The following ASTN2 variants were observed in gnomAD, a reference collection of about 807,000 sequenced individuals.
ASTN2 encodes the protein astrotactin-2.
Under a neutral mutation model 139.8 loss-of-function variants are expected in ASTN2, and 54 were observed. That is an observed-to-expected ratio of 0.39 (90% CI 0.31 to 0.48). The LOEUF (loss-of-function observed/expected upper bound fraction) is 0.48, where lower values mean the gene tolerates loss of function less well. ASTN2 is among the 20% of genes least tolerant of loss of function. The pLI is 0.95. For missense variants in ASTN2, 1,565 were observed against 1,725.1 expected (o/e 0.91, Z 1.64); for synonymous variants, 756 against 719.5 (o/e 1.05, Z -0.81).
intron 1 of ASTN2, among the ~76,000 whole-genome samples, chr9:117,383,067 G>C (rs899094931): frequency 1.3e-5 from 2 of 152,186 alleles, no homozygotes; most frequent in Admixed American, 6.5e-5. Context: ...CAGACAATAC[G>C]TAAACAAATA....
At chr9:117,019,495 A>T (rs10125419) in intron 6 of ASTN2, among the ~76,000 whole-genome samples, 109,679 of 151,936 alleles carry the variant, frequency 0.72, 39,898 homozygotes, top group Middle Eastern at 0.82. Flanking sequence ...ATAACAGGGA[A>T]CTGCAGCCTA....
At chr9:116,445,969 G>T (rs1019695871) in intron 20 of ASTN2, among the ~76,000 whole-genome samples, 1 of 152,164 alleles carries the variant, frequency 6.6e-6, no homozygotes, top group Admixed American at 6.5e-5. Flanking sequence ...AAGGCCATGC[G>T]CTTTCTGCCT....
chr9:116,878,998 A>G (rs1156454180), intron 10 of ASTN2, among the ~76,000 whole-genome samples: 1 of 151,762 alleles, frequency 6.6e-6, no homozygotes, highest in Non-Finnish European at 1.5e-5. Context: ...GGAGCCTGAG[A>G]GACTCTGGTG....
intron 5 of ASTN2, among the ~76,000 whole-genome samples, chr9:117,092,989 G>C (rs1160138864): frequency 1.3e-5 from 2 of 152,174 alleles, no homozygotes; most frequent in Non-Finnish European, 2.9e-5. Flanking sequence ...AGTGGCACTG[G>C]ACATGGGGGA....
intron 1 of ASTN2, among the ~76,000 whole-genome samples, chr9:117,365,319 A>C (rs1043406740): frequency 6.7e-6 from 1 of 149,804 alleles, no homozygotes; most frequent in Non-Finnish European, 1.5e-5. Context: ...AAGAAAAAGA[A>C]AGAAAGAAAG....
At chr9:117,016,762 G>T (rs536093363) in intron 6 of ASTN2, among the ~76,000 whole-genome samples, 139 of 67,804 alleles carry the variant, frequency 2.1e-3, no homozygotes, top group Admixed American at 3.8e-3. Context: ...TTATATATAG[G>T]TTATATATAG....
At chr9:116,721,170 AC>A (rs1312499533) in intron 16 of ASTN2, among the ~76,000 whole-genome samples, 1 of 152,202 alleles carries the variant, frequency 6.6e-6, no homozygotes, top group Non-Finnish European at 1.5e-5. Flanking sequence ...CTATACAATG[AC>A]TTTGCATTTT....
chr9:117,234,281 G>C (rs1179526458), intron 2 of ASTN2, among the ~76,000 whole-genome samples: 1 of 152,180 alleles, frequency 6.6e-6, no homozygotes, highest in African/African-American at 2.4e-5. Context: ...TGGAGGGTAA[G>C]AGTAATAACT....
chr9:117,004,705 G>A (rs910790301), intron 7 of ASTN2, among the ~76,000 whole-genome samples: 3 of 152,114 alleles, frequency 2.0e-5, no homozygotes, highest in African/African-American at 2.4e-5. Context: ...CCAGTTTTTC[G>A]TGCAAGCCAG....
chr9:116,784,322 T>C (rs1198539272), intron 13 of ASTN2, among the ~76,000 whole-genome samples: 3 of 152,210 alleles, frequency 2.0e-5, no homozygotes, highest in Non-Finnish European at 4.4e-5. Context: ...GATATAACAC[T>C]GGCTCTTCTC....
At chr9:116,938,736 T>C (rs1292068596) in intron 10 of ASTN2, among the ~76,000 whole-genome samples, 1 of 152,208 alleles carries the variant, frequency 6.6e-6, no homozygotes, top group Non-Finnish European at 1.5e-5. Flanking sequence ...TATTGTTTTC[T>C]TCAGACTGAT....
intron 16 of ASTN2, among the ~76,000 whole-genome samples, chr9:116,671,432 C>T (rs572837128): frequency 6.6e-6 from 1 of 150,890 alleles, no homozygotes; most frequent in East Asian, 2.0e-4. Flanking sequence ...AGAATTTCAG[C>T]AAAAAGTAGA....
chr9:117,175,151 A>G (rs1265534709), intron 3 of ASTN2, among the ~76,000 whole-genome samples: 2 of 152,246 alleles, frequency 1.3e-5, no homozygotes, highest in East Asian at 3.9e-4. Flanking sequence ...CTTATACACA[A>G]GAAAGGAACA....
intron 10 of ASTN2, among the ~76,000 whole-genome samples, chr9:116,960,923 C>A (rs1835858170): frequency 6.6e-6 from 1 of 152,108 alleles, no homozygotes; most frequent in African/African-American, 2.4e-5. Flanking sequence ...CCAGCCAGAT[C>A]CATGTCATGA....
intron 3 of ASTN2, among the ~76,000 whole-genome samples, chr9:117,157,205 T>C (rs1422149332): frequency 6.6e-6 from 1 of 151,940 alleles, no homozygotes; most frequent in East Asian, 1.9e-4. Flanking sequence ...CCCACCTGTC[T>C]CTTTTCATGG....
chr9:117,013,483 TATA>T (rs1275524837), intron 6 of ASTN2, among the ~76,000 whole-genome samples: 1,784 of 37,432 alleles, frequency 0.048, 18 homozygotes, highest in African/African-American at 0.072. Context: ...TATATATATA[TATA>T]TTTTTTTTTT....
intron 10 of ASTN2, among the ~76,000 whole-genome samples, chr9:116,867,482 G>A (rs1216566430): frequency 6.7e-6 from 1 of 150,034 alleles, no homozygotes; most frequent in Non-Finnish European, 1.5e-5. Flanking sequence ...CCCGGGAGGC[G>A]GAGCTTGCAG....
chr9:117,382,955 G>A (rs1830308588), intron 1 of ASTN2, among the ~76,000 whole-genome samples: 1 of 152,138 alleles, frequency 6.6e-6, no homozygotes, highest in Non-Finnish European at 1.5e-5. Flanking sequence ...CCAGAAGGCA[G>A]AACTTTTTTA....
chr9:116,860,552 T>C (rs1245095118), intron 11 of ASTN2, among the ~76,000 whole-genome samples: 1 of 152,250 alleles, frequency 6.6e-6, no homozygotes, highest in Non-Finnish European at 1.5e-5. Flanking sequence ...GTCATTCTAA[T>C]GCCTAAATCC....
Sources: allele counts gnomAD v4.1 joint callset (sites outside exome capture counted in the v4.1 genomes callset), GRCh38; gene constraint gnomAD v4.1.1; transcripts MANE v1.5; gene names NCBI Gene and HGNC (gene_info 2026-07-23, HGNC 2026-07-21).